The following EML5 variants were observed in gnomAD, a reference collection of about 807,000 sequenced individuals.
The protein encoded by EML5 is EMAP like 5, also known as echinoderm microtubule-associated protein-like 5.
In EML5, 120 loss-of-function variants were observed where a neutral mutation model predicts 250.0. The observed-to-expected ratio is 0.48, with a 90% CI of 0.41 to 0.56. EML5 has a LOEUF of 0.56. Among genes scored for constraint, EML5 ranks in the 20% least tolerant of loss-of-function variants. The pLI is 0.00. For missense variants in EML5, 2,006 were observed against 2,437.6 expected (o/e 0.82, Z 3.73); for synonymous variants, 771 against 806.5 (o/e 0.96, Z 0.75).
Position 88,613,427 on chromosome 14 carries a change from T to C in EML5, c.*2391A>G, listed in dbSNP as rs1334792103. On this transcript the variant is annotated 3_prime_UTR_variant, in exon 44 of 44. Coordinates refer to ENST00000554922, the MANE Select transcript of EML5 (RefSeq NM_183387.3). ...AAGATAGTTTTGTTCTCAGTTTCAC[T>C]ATAAATTATAGAACAAATGGGAAAC... The C allele has an allele frequency of 6.6e-6, 1 of 152,214 alleles. No homozygotes were observed. The highest frequency in any genetic ancestry group is 1.5e-5 in the Non-Finnish European group (1 of 68,040). The allele number at this position is 152,214 out of a possible 1,614,324, so 9.4% of individuals were successfully genotyped here.
At position 88,792,688 on chromosome 14, in the gene EML5, A is replaced by G. The variant is rs2140915274; in HGVS notation, c.-185T>C. 2 of 1,130,232 alleles carry G rather than the reference A, an allele frequency of 1.8e-6. No individual in the cohort carries two copies. Among genetic ancestry groups the G allele is most frequent in the East Asian group, 9.0e-5 (2 of 22,186 alleles). 70.0% of individuals were successfully genotyped at this position (1,130,232 alleles called of 1,614,324 possible). A position where few individuals can be genotyped will look rare whatever the true frequency, so the allele number is the denominator to read the frequency against. On this transcript the variant is annotated 5_prime_UTR_variant, in exon 1 of 44. Coordinates refer to ENST00000554922, the MANE Select transcript of EML5 (RefSeq NM_183387.3). The surrounding 1 kb of genome is among the most constrained non-coding windows in gnomAD (Gnocchi z 6.9). Reference sequence around the variant, plus strand: ...CCGCCTCAGCCCACAGGCGGGAGGAAAACCCTCGCCTCGCGGAACATGCTG... The same window carrying G: ...CCGCCTCAGCCCACAGGCGGGAGGAGAACCCTCGCCTCGCGGAACATGCTG...
intron 32 of EML5, 54 bp downstream of exon 32, chr14:88,638,755 A>G: frequency 7.0e-7 from 1 of 1,424,676 alleles, no homozygotes; most frequent in Non-Finnish European, 9.5e-7. Context: ...TATTGAATTT[A>G]TTTGAACAAA....
At chr14:88,738,347 A>G (rs1458018634) in intron 6 of EML5, among the ~76,000 whole-genome samples, 2 of 151,960 alleles carry the variant, frequency 1.3e-5, no homozygotes, top group Non-Finnish European at 2.9e-5. Flanking sequence ...TGGTTTAAAC[A>G]CAAACCTGTG....
At chr14:88,763,218 C>A (rs918203557) in intron 1 of EML5, among the ~76,000 whole-genome samples, 5 of 151,942 alleles carry the variant, frequency 3.3e-5, no homozygotes, top group African/African-American at 1.2e-4. Flanking sequence ...GAATCAGGAC[C>A]TGTTTTTTTG....
At chr14:88,691,266 C>A (rs2092952805) in intron 17 of EML5, among the ~76,000 whole-genome samples, 1 of 152,174 alleles carries the variant, frequency 6.6e-6, no homozygotes, top group African/African-American at 2.4e-5. Flanking sequence ...CAGACCCATT[C>A]CCTGGCAGAC....
intron 3 of EML5, among the ~76,000 whole-genome samples, chr14:88,745,167 T>TTGTTTGTTTGTGTGTGTGTGTGTG (rs148282706): frequency 0.011 from 1,561 of 145,262 alleles, 23 homozygotes; most frequent in African/African-American, 0.019. Flanking sequence ...AATTGTGTGT[T>TTGTTTGTTTGTGTGTGTGTGTGTG]TGTGTGTGTG....
intron 21 of EML5, among the ~76,000 whole-genome samples, chr14:88,680,756 A>G (rs1246283301): frequency 6.6e-6 from 1 of 151,948 alleles, no homozygotes; most frequent in Non-Finnish European, 1.5e-5. Context: ...ATTGTTTTTC[A>G]AAAAAAAGTC....
intron 1 of EML5, among the ~76,000 whole-genome samples, chr14:88,781,901 G>A (rs1011251202): frequency 2.0e-5 from 3 of 152,158 alleles, no homozygotes; most frequent in African/African-American, 7.2e-5. Flanking sequence ...GTGTCAGAAC[G>A]AACTAATTCA....
rs965866756 is a variant in EML5, at chr14:88,791,094, A to C, written c.197+1213T>G. ...TGCAATCTCAATTTTGTCTTTTCTTATCTTTACTCCATCTTGCCCTACCTC... is the reference window on the plus strand; with the variant it reads ...TGCAATCTCAATTTTGTCTTTTCTTCTCTTTACTCCATCTTGCCCTACCTC... On this transcript the variant is annotated intron_variant, in intron 1 of 43. Coordinates refer to ENST00000554922, the MANE Select transcript of EML5 (RefSeq NM_183387.3). Among the ~76,000 whole-genome samples, 14 of 152,268 alleles carry C rather than the reference A, an allele frequency of 9.2e-5. 1 individual carries two copies. In the East Asian group the frequency reaches 2.5e-3, roughly 27 times the overall value.
intron 8 of EML5, among the ~76,000 whole-genome samples, chr14:88,721,313 A>T (rs2140012460): frequency 6.6e-6 from 1 of 152,306 alleles, no homozygotes; most frequent in South Asian, 2.1e-4. Context: ...AGCCAAGTCA[A>T]TCCTAAGCAA....
intron 1 of EML5, among the ~76,000 whole-genome samples, chr14:88,783,516 G>A (rs949594952): frequency 6.6e-6 from 1 of 152,182 alleles, no homozygotes; most frequent in African/African-American, 2.4e-5. Context: ...AAGAGCAGGA[G>A]TAGCTATATT....
At chr14:88,743,188 T>A (rs999059052) in intron 4 of EML5, among the ~76,000 whole-genome samples, 4 of 152,012 alleles carry the variant, frequency 2.6e-5, no homozygotes, top group Non-Finnish European at 5.9e-5. Context: ...AGAGGAGGAA[T>A]AAGTTCTACT....
chr14:88,633,938 T>C (rs114467663), intron 33 of EML5, among the ~76,000 whole-genome samples: 2,290 of 152,050 alleles, frequency 0.015, 58 homozygotes, highest in African/African-American at 0.052. Context: ...TTACCACAGA[T>C]TGAGTTCAGA....
intron 1 of EML5, among the ~76,000 whole-genome samples, chr14:88,766,201 G>C (rs189591477): frequency 6.6e-6 from 1 of 152,098 alleles, no homozygotes; most frequent in East Asian, 1.9e-4. Context: ...TATGAAATCT[G>C]GGCACCTTGA....
At chr14:88,689,733 C>T (rs2092916266) in intron 17 of EML5, among the ~76,000 whole-genome samples, 1 of 151,678 alleles carries the variant, frequency 6.6e-6, no homozygotes. Flanking sequence ...AACCCTGTCT[C>T]CAAACAAAAA....
At chr14:88,759,993 G>C (rs898786920) in intron 1 of EML5, among the ~76,000 whole-genome samples, 5 of 152,128 alleles carry the variant, frequency 3.3e-5, no homozygotes, top group African/African-American at 1.2e-4. Flanking sequence ...ATAATGATCT[G>C]TTCAAGTCTT....
chr14:88,684,871 T>C, intron 20 of EML5, 144 bp downstream of exon 20: 4 of 713,950 alleles, frequency 5.6e-6, no homozygotes, highest in Non-Finnish European at 8.1e-6. Flanking sequence ...TTTTTCTGTA[T>C]ACATTAAATT....
At chr14:88,713,356 C>T (rs915664638) in intron 9 of EML5, among the ~76,000 whole-genome samples, 2 of 150,848 alleles carry the variant, frequency 1.3e-5, no homozygotes, top group African/African-American at 4.9e-5. Context: ...CATGCCACTA[C>T]ACTCCAACCT....
chr14:88,746,377 G>GT (rs1417956999), intron 2 of EML5, 94 bp from the exon 3 acceptor site: 1 of 1,012,046 alleles, frequency 9.9e-7, no homozygotes, highest in Admixed American at 2.3e-5. Context: ...ATACTCATGG[G>GT]TTTTTATAAA....
Sources: gnomAD v4.1 joint callset for allele counts (sites outside exome capture counted in the v4.1 genomes callset) on GRCh38, gnomAD v4.1.1 for gene constraint, Gnocchi (gnomAD v3.1) non-coding constraint, MANE v1.5 for transcripts, NCBI Gene and HGNC (gene_info 2026-07-23, HGNC 2026-07-21) for gene names.